Variants in WDR72 observed in about 807,000 individuals in gnomAD.
WDR72 encodes WD repeat domain 72.
In WDR72, 120 loss-of-function variants were observed where a neutral mutation model predicts 124.2. The ratio of observed to expected loss-of-function variants is 0.97; its 90% CI spans 0.83 to 1.12. The LOEUF (loss-of-function observed/expected upper bound fraction) is 1.12. WDR72 is among the 50% of genes most tolerant of loss of function. The pLI is 0.00. For missense variants in WDR72, 1,387 were observed against 1,278.8 expected (o/e 1.08, Z -1.29); for synonymous variants, 452 against 441.7 (o/e 1.02, Z -0.29).
intron 18 of WDR72, among the ~76,000 whole-genome samples, chr15:53,564,241 AT>A (rs966628597): frequency 2.6e-5 from 4 of 151,760 alleles, no homozygotes; most frequent in African/African-American, 9.7e-5. Flanking sequence ...CTGATAATTG[AT>A]TTTTTTGGAG....
At chr15:53,543,062 A>T (rs1005269842) in intron 18 of WDR72, among the ~76,000 whole-genome samples, 3 of 147,518 alleles carry the variant, frequency 2.0e-5, no homozygotes, top group African/African-American at 7.5e-5. Context: ...TTAACACCCC[A>T]CTGTCAACAT....
At chr15:53,549,855 C>T (rs992122218) in intron 18 of WDR72, among the ~76,000 whole-genome samples, 1 of 152,148 alleles carries the variant, frequency 6.6e-6, no homozygotes, top group African/African-American at 2.4e-5. Context: ...CTCTATAATA[C>T]ATATCCAAAT....
intron 13 of WDR72, among the ~76,000 whole-genome samples, chr15:53,683,454 G>A (rs2016473926): frequency 6.6e-6 from 1 of 151,976 alleles, no homozygotes; most frequent in Non-Finnish European, 1.5e-5. Context: ...TGTACCCCAG[G>A]AATATGTAAA....
chr15:53,714,313 T>G, intron 6 of WDR72, 121 bp downstream of exon 6: 1 of 828,290 alleles, frequency 1.2e-6, no homozygotes, highest in Non-Finnish European at 2.0e-6. Flanking sequence ...GGAAGTAGAA[T>G]TTATACACTT....
intron 14 of WDR72, among the ~76,000 whole-genome samples, chr15:53,643,097 A>C (rs1268914712): frequency 6.6e-6 from 1 of 152,142 alleles, no homozygotes; most frequent in African/African-American, 2.4e-5. Context: ...AGTTAGGAAA[A>C]AAAGCGAAAG....
At chr15:53,641,803 G>A (rs2140413031) in intron 14 of WDR72, among the ~76,000 whole-genome samples, 1 of 151,394 alleles carries the variant, frequency 6.6e-6, no homozygotes, top group East Asian at 1.9e-4. Flanking sequence ...CTTAAGTTTT[G>A]TTTTTAGCCA....
chr15:53,692,877 G>C (rs964455117), intron 13 of WDR72, among the ~76,000 whole-genome samples: 3 of 152,088 alleles, frequency 2.0e-5, no homozygotes, highest in African/African-American at 7.2e-5. Context: ...AGGTGACATA[G>C]GAAAAATCCC....
intron 18 of WDR72, among the ~76,000 whole-genome samples, chr15:53,555,705 T>G: frequency 6.6e-6 from 1 of 152,088 alleles, no homozygotes; most frequent in East Asian, 1.9e-4. Flanking sequence ...ATTTATTTGT[T>G]TTACATTCAG....
intron 18 of WDR72, among the ~76,000 whole-genome samples, chr15:53,560,181 C>T (rs982892580): frequency 2.6e-5 from 4 of 151,848 alleles, no homozygotes; most frequent in South Asian, 4.1e-4. Flanking sequence ...TGGCTTTCTG[C>T]AAAATAAAGT....
intron 14 of WDR72, among the ~76,000 whole-genome samples, chr15:53,627,042 AT>A (rs2014239316): frequency 6.6e-6 from 1 of 152,194 alleles, no homozygotes. Flanking sequence ...GAATTTAGAA[AT>A]TGTCTGATTT....
At chr15:53,708,807 T>G (rs1188957670) in intron 9 of WDR72, among the ~76,000 whole-genome samples, 1 of 152,178 alleles carries the variant, frequency 6.6e-6, no homozygotes, top group Non-Finnish European at 1.5e-5. Context: ...ACTCTGTGGC[T>G]GAGACCCTGG....
intron 13 of WDR72, among the ~76,000 whole-genome samples, chr15:53,679,256 T>C (rs1300851719): frequency 1.3e-5 from 2 of 152,188 alleles, no homozygotes; most frequent in East Asian, 3.9e-4. Flanking sequence ...TGCACAACAA[T>C]GTGAGCATAC....
chr15:53,762,230 G>C (rs904533133), upstream of WDR72, among the ~76,000 whole-genome samples: 2 of 152,082 alleles, frequency 1.3e-5, no homozygotes, highest in African/African-American at 4.8e-5. Context: ...CACATATCCT[G>C]GGTCTTCCTG....
chr15:53,753,541 A>C (rs1404513562), intron 1 of WDR72, among the ~76,000 whole-genome samples: 1 of 152,200 alleles, frequency 6.6e-6, no homozygotes, highest in East Asian at 1.9e-4. Context: ...ATCTGAAGGA[A>C]CCATAGCCTT....
intron 14 of WDR72, among the ~76,000 whole-genome samples, chr15:53,643,199 A>G (rs961135955): frequency 6.6e-6 from 1 of 152,152 alleles, no homozygotes; most frequent in Admixed American, 6.6e-5. Flanking sequence ...AGCCTAAATA[A>G]TAGAACTGAA....
chr15:53,520,889 A>G (rs1272255084), intron 19 of WDR72, among the ~76,000 whole-genome samples: 3 of 152,106 alleles, frequency 2.0e-5, no homozygotes, highest in African/African-American at 7.2e-5. Flanking sequence ...TCGAATACTC[A>G]TGCTTCAAGG....
intron 14 of WDR72, among the ~76,000 whole-genome samples, chr15:53,622,665 T>G (rs1459965708): frequency 6.6e-6 from 1 of 151,916 alleles, no homozygotes; most frequent in Non-Finnish European, 1.5e-5. Context: ...GATAAATAGT[T>G]AATGCATGCT....
chr15:53,608,612 C>G (rs1334774864), intron 17 of WDR72, among the ~76,000 whole-genome samples: 1 of 151,820 alleles, frequency 6.6e-6, no homozygotes, highest in Non-Finnish European at 1.5e-5. Flanking sequence ...AAAAAATTAG[C>G]CAGGTGTGGT....
At chr15:53,572,117 C>T (rs1894552049) in intron 18 of WDR72, among the ~76,000 whole-genome samples, 1 of 152,082 alleles carries the variant, frequency 6.6e-6, no homozygotes, top group East Asian at 1.9e-4. Flanking sequence ...TGAATATTAA[C>T]TCCTTACCAC....
Sources: gnomAD v4.1 joint callset for allele counts (sites outside exome capture counted in the v4.1 genomes callset) on GRCh38, gnomAD v4.1.1 for gene constraint, MANE v1.5 for transcripts, NCBI Gene and HGNC (gene_info 2026-07-23, HGNC 2026-07-21) for gene names.